UVRAG: variants seen among roughly 807,000 people sequenced by gnomAD.
UVRAG encodes UV radiation resistance-associated gene protein.
A neutral mutation model predicts 78.0 loss-of-function variants in UVRAG; 19 were observed. That is an observed-to-expected ratio of 0.24 (90% CI 0.17 to 0.36). UVRAG has a LOEUF of 0.36. UVRAG is among the 10% of genes least tolerant of loss of function. UVRAG has a pLI of 1.00. For missense variants in UVRAG, 740 were observed against 853.8 expected (o/e 0.87, Z 1.66); for synonymous variants, 323 against 324.6 (o/e 1.00, Z 0.05).
intron 1 of UVRAG, among the ~76,000 whole-genome samples, chr11:75,828,803 A>ATTTTTT (rs1412890541): frequency 1.5e-4 from 13 of 85,454 alleles, no homozygotes; most frequent in South Asian, 6.8e-4. Flanking sequence ...ATATATATAT[A>ATTTTTT]TATTTTTTTT....
intron 14 of UVRAG, among the ~76,000 whole-genome samples, chr11:76,139,096 A>G (rs1952653907): frequency 1.3e-5 from 2 of 152,214 alleles, no homozygotes; most frequent in South Asian, 4.1e-4. Flanking sequence ...ACGCCTAATT[A>G]TGAAATCTCT....
At chr11:76,132,287 ATGT>A (rs895076362) in intron 14 of UVRAG, among the ~76,000 whole-genome samples, 7 of 152,206 alleles carry the variant, frequency 4.6e-5, no homozygotes, top group African/African-American at 1.7e-4. Flanking sequence ...AGAAGATCAA[ATGT>A]TGTTTAAAAG....
chr11:75,845,336 A>G (rs1946010847), intron 1 of UVRAG, among the ~76,000 whole-genome samples: 1 of 152,260 alleles, frequency 6.6e-6, no homozygotes, highest in South Asian at 2.1e-4. Context: ...GCATTTTATA[A>G]CTGTGAAAGT....
chr11:75,967,130 C>A (rs531654616), intron 7 of UVRAG, among the ~76,000 whole-genome samples: 1 of 152,184 alleles, frequency 6.6e-6, no homozygotes, highest in South Asian at 2.1e-4. Flanking sequence ...TGCCATTGAT[C>A]AGTCTCAAGA....
At chr11:75,951,324 AATGTGTGT>A (rs1565395461) in intron 6 of UVRAG, among the ~76,000 whole-genome samples, 1 of 76,520 alleles carries the variant, frequency 1.3e-5, no homozygotes, top group African/African-American at 4.7e-5. Context: ...TATAATCTGA[AATGTGTGT>A]GTGTGTGTGT....
At chr11:75,920,607 A>G (rs1369561689) in intron 6 of UVRAG, among the ~76,000 whole-genome samples, 1 of 151,928 alleles carries the variant, frequency 6.6e-6, no homozygotes, top group Non-Finnish European at 1.5e-5. Context: ...TTCCGCTGCC[A>G]GCAAACCACC....
At chr11:76,063,385 T>C (rs1017663708) in intron 12 of UVRAG, among the ~76,000 whole-genome samples, 4 of 152,200 alleles carry the variant, frequency 2.6e-5, no homozygotes, top group African/African-American at 4.8e-5. Context: ...ATAATTAAGA[T>C]TGGATTTCTG....
At chr11:75,928,502 C>T (rs563818912) in intron 6 of UVRAG, among the ~76,000 whole-genome samples, 160 of 152,058 alleles carry the variant, frequency 1.1e-3, no homozygotes, top group African/African-American at 3.5e-3. Flanking sequence ...TGGTGGCTCA[C>T]GCCTGTAATC....
intron 6 of UVRAG, among the ~76,000 whole-genome samples, chr11:75,925,959 T>C (rs779153121): frequency 9.2e-5 from 14 of 152,150 alleles, no homozygotes; most frequent in Non-Finnish European, 1.9e-4. Flanking sequence ...TATTTCTCCA[T>C]CTCATGTGGA....
At chr11:75,895,719 CT>C (rs1235209397) in intron 5 of UVRAG, among the ~76,000 whole-genome samples, 1 of 151,894 alleles carries the variant, frequency 6.6e-6, no homozygotes, top group African/African-American at 2.4e-5. Context: ...TCAAATGATC[CT>C]CCTACCTTGG....
intron 12 of UVRAG, among the ~76,000 whole-genome samples, chr11:76,017,658 T>C (rs2135371288): frequency 6.6e-6 from 1 of 152,176 alleles, no homozygotes; most frequent in South Asian, 2.1e-4. Context: ...AAAGACATGA[T>C]AGCATGAAAA....
chr11:76,048,524 A>C (rs1388440872), intron 12 of UVRAG, among the ~76,000 whole-genome samples: 1 of 152,218 alleles, frequency 6.6e-6, no homozygotes, highest in Non-Finnish European at 1.5e-5. Flanking sequence ...CTGTCAGATC[A>C]GTGATCCTTG....
intron 12 of UVRAG, among the ~76,000 whole-genome samples, chr11:76,054,260 C>T (rs1301411871): frequency 6.6e-6 from 1 of 152,178 alleles, no homozygotes. Flanking sequence ...GAAGATCTGT[C>T]ACCAGATCAT....
intron 13 of UVRAG, among the ~76,000 whole-genome samples, chr11:76,088,586 C>T (rs1371397656): frequency 1.3e-5 from 2 of 151,912 alleles, no homozygotes; most frequent in Non-Finnish European, 2.9e-5. Context: ...GCCTCAACTC[C>T]TGCAACCACT....
At chr11:75,920,008 GTTTTTTTTTTTTTTTTTTTT>G (rs140217190) in intron 6 of UVRAG, among the ~76,000 whole-genome samples, 1,535 of 55,726 alleles carry the variant, frequency 0.028, 75 homozygotes, top group East Asian at 0.099. Flanking sequence ...AATAATTTTG[GTTTTTTTTTTTTTTTTTTTT>G]TTTTTTTTTT....
chr11:75,938,994 A>G (rs76099739), intron 6 of UVRAG, among the ~76,000 whole-genome samples: 13,531 of 152,020 alleles, frequency 0.089, 1,035 homozygotes, highest in African/African-American at 0.21. Flanking sequence ...AGCCGGGGCA[A>G]TTGTAGAACT....
chr11:75,897,615 C>T (rs531179154), intron 5 of UVRAG, among the ~76,000 whole-genome samples: 1 of 151,654 alleles, frequency 6.6e-6, no homozygotes, highest in African/African-American at 2.4e-5. Flanking sequence ...ACCTCTGCCT[C>T]CCAGGTTCAA....
intron 8 of UVRAG, 152 bp from the exon 9 acceptor site, chr11:76,003,853 A>T (rs1287235393): frequency 1.6e-6 from 1 of 638,466 alleles, no homozygotes; most frequent in Non-Finnish European, 2.7e-6. Flanking sequence ...AGTTTATTCT[A>T]GCTACTCTCC....
intron 2 of UVRAG, among the ~76,000 whole-genome samples, chr11:75,858,622 T>G (rs773626511): frequency 2.0e-5 from 3 of 152,220 alleles, no homozygotes; most frequent in Non-Finnish European, 4.4e-5. Flanking sequence ...AGGGTAAATT[T>G]CATAAAGTGG....
Sources: gnomAD v4.1 joint callset for allele counts (sites outside exome capture counted in the v4.1 genomes callset) on GRCh38, gnomAD v4.1.1 for gene constraint, MANE v1.5 for transcripts, NCBI Gene and HGNC (gene_info 2026-07-23, HGNC 2026-07-21) for gene names.